ALG6: variants seen among roughly 807,000 people sequenced by gnomAD.
ALG6 encodes dolichyl pyrophosphate Man9GlcNAc2 alpha-1,3-glucosyltransferase.
In ALG6, 46 loss-of-function variants were observed where a neutral mutation model predicts 66.6. The ratio of observed to expected loss-of-function variants is 0.69; its 90% CI spans 0.55 to 0.88. ALG6 has a LOEUF of 0.88. Among genes scored for constraint, ALG6 ranks in the 40% least tolerant of loss-of-function variants. ALG6 has a pLI of 0.00. For synonymous variants in ALG6, 185 were observed against 203.7 expected (o/e 0.91, Z 0.78); for missense variants, 505 against 586.8 (o/e 0.86, Z 1.44).
chr1:63,420,725 G>A (rs1220670295), intron 12 of ALG6, among the ~76,000 whole-genome samples: 3 of 151,942 alleles, frequency 2.0e-5, no homozygotes, highest in Non-Finnish European at 4.4e-5. Flanking sequence ...GCCGGGCATG[G>A]TGGCGGGCAC....
chr1:63,423,085 G>A (rs1355399804), intron 12 of ALG6, among the ~76,000 whole-genome samples: 4 of 149,586 alleles, frequency 2.7e-5, no homozygotes, highest in African/African-American at 4.9e-5. Context: ...GTGCAGTGGC[G>A]TGATCTTTGC....
chr1:63,371,076 G>C lies in ALG6; in HGVS notation c.82+17G>C, dbSNP rs1282350471. On this transcript the variant is annotated intron_variant, in intron 2 of 14. Coordinates refer to ENST00000263440, the MANE Select transcript of ALG6 (RefSeq NM_013339.4). ...CTTATTCAGGTAATACATTTTTACT[G>C]GTTAAAAAAAAAACGAAATTTTCCT... The C allele has an allele frequency of 6.4e-7, 1 of 1,568,726 alleles. No homozygotes were observed. Among genetic ancestry groups the C allele is most frequent in the Non-Finnish European group, 8.8e-7 (1 of 1,139,938 alleles).
intron 8 of ALG6, 88 bp from the exon 9 acceptor site, chr1:63,411,838 C>T (rs1570070334): frequency 1.3e-6 from 2 of 1,534,310 alleles, no homozygotes; most frequent in Middle Eastern, 1.8e-4. Context: ...TATACATGTG[C>T]ATGTATTATG....
chr1:63,417,100 GTGAA>G, intron 11 of ALG6, among the ~76,000 whole-genome samples: 1 of 152,184 alleles, frequency 6.6e-6, no homozygotes, highest in South Asian at 2.1e-4. Flanking sequence ...GTTTGATTCT[GTGAA>G]TGAACTCTGA....
intron 2 of ALG6, among the ~76,000 whole-genome samples, chr1:63,378,667 A>G (rs138777343): frequency 1.1e-4 from 16 of 152,252 alleles, no homozygotes; most frequent in Admixed American, 4.6e-4. Flanking sequence ...GTTCTCAGTT[A>G]TCTCTTCAAA....
Position 63,402,237 on chromosome 1 carries a change from C to CT in ALG6, c.168-10dup. 4 of 1,485,114 alleles carry CT rather than the reference C, an allele frequency of 2.7e-6. No individual in the cohort carries two copies. The highest frequency in any genetic ancestry group is 3.8e-6 in the Non-Finnish European group (4 of 1,063,556). 92.0% of individuals were successfully genotyped at this position (1,485,114 alleles called of 1,614,324 possible). A position where few individuals can be genotyped will look rare whatever the true frequency, so the allele number is the denominator to read the frequency against. Reference sequence around the variant, plus strand: ...TTGATTAACGGAATGGTGCTTTCTTCTTTTTTTCTTTTTCAGGTATTTTAA... The same window carrying CT: ...TTGATTAACGGAATGGTGCTTTCTTCTTTTTTTTCTTTTTCAGGTATTTTAA... On this transcript the variant is annotated splice_polypyrimidine_tract_variant and intron_variant, in intron 3 of 14. Transcript: ENST00000263440.
At chr1:63,395,538 T>C (rs1018920590) in intron 2 of ALG6, among the ~76,000 whole-genome samples, 6 of 151,904 alleles carry the variant, frequency 3.9e-5, no homozygotes, top group African/African-American at 1.2e-4. Flanking sequence ...CTAATAAAAA[T>C]ACAAAAATTA....
At chr1:63,401,049 A>G (rs1050624846) in intron 3 of ALG6, among the ~76,000 whole-genome samples, 2 of 152,098 alleles carry the variant, frequency 1.3e-5, no homozygotes, top group African/African-American at 4.8e-5. Context: ...AGATTCTTAG[A>G]CTCGCTGCTT....
At chr1:63,380,400 G>A (rs1648265922) in intron 2 of ALG6, among the ~76,000 whole-genome samples, 1 of 152,104 alleles carries the variant, frequency 6.6e-6, no homozygotes, top group South Asian at 2.1e-4. Flanking sequence ...GAAGGGCTGA[G>A]GAAAGGTCCA....
intron 4 of ALG6, among the ~76,000 whole-genome samples, chr1:63,402,999 G>A (rs574218455): frequency 2.7e-4 from 40 of 149,360 alleles, no homozygotes; most frequent in Admixed American, 1.3e-4. Flanking sequence ...GGAGGCTGAG[G>A]CAGGAGAATC....
chr1:63,402,730 G>A (rs943463481), intron 4 of ALG6, among the ~76,000 whole-genome samples: 3 of 150,106 alleles, frequency 2.0e-5, no homozygotes, highest in Non-Finnish European at 4.4e-5. Flanking sequence ...GCCTCCCAAA[G>A]TGCTGGGATT....
intron 14 of ALG6, 134 bp from the exon 15 acceptor site, chr1:63,436,689 T>G: frequency 2.4e-6 from 2 of 843,824 alleles, no homozygotes; most frequent in Non-Finnish European, 3.9e-6. Context: ...AAGTCAAAGT[T>G]GAGATACACC....
At chr1:63,430,757 A>G (rs1385389701) in intron 14 of ALG6, among the ~76,000 whole-genome samples, 1 of 152,150 alleles carries the variant, frequency 6.6e-6, no homozygotes, top group Admixed American at 6.6e-5. Context: ...TTGAGTTGTA[A>G]GAGTTTTTTT....
chr1:63,384,342 T>G (rs1648434000), intron 2 of ALG6, among the ~76,000 whole-genome samples: 1 of 152,218 alleles, frequency 6.6e-6, no homozygotes, highest in East Asian at 1.9e-4. Flanking sequence ...TTGGGTTATT[T>G]AATTTTTTTT....
intron 11 of ALG6, among the ~76,000 whole-genome samples, chr1:63,417,691 A>G (rs968486375): frequency 6.6e-6 from 1 of 152,176 alleles, no homozygotes; most frequent in African/African-American, 2.4e-5. Flanking sequence ...CTCATATGCC[A>G]GGTCCTCCTC....
chr1:63,400,869 G>A (rs529885176), intron 3 of ALG6, among the ~76,000 whole-genome samples: 1 of 152,088 alleles, frequency 6.6e-6, no homozygotes, highest in Non-Finnish European at 1.5e-5. Context: ...ACAGCTCTGA[G>A]GCTGATAAAA....
intron 2 of ALG6, 105 bp downstream of exon 2, chr1:63,371,164 A>C: frequency 2.6e-6 from 2 of 768,602 alleles, no homozygotes; most frequent in South Asian, 3.0e-5. Context: ...GAAGAATTTC[A>C]GGCCTTTTTG....
chr1:63,422,263 A>ATATAAATATATATATTTATATAGT (rs1644584937), intron 12 of ALG6, among the ~76,000 whole-genome samples: 1 of 64,450 alleles, frequency 1.6e-5, no homozygotes, highest in Non-Finnish European at 2.6e-5. Context: ...ATTTATATAG[A>ATATAAATATATATATTTATATAGT]TATAAATATA....
chr1:63,376,317 G>A (rs1648125248), intron 2 of ALG6, among the ~76,000 whole-genome samples: 1 of 152,068 alleles, frequency 6.6e-6, no homozygotes, highest in Non-Finnish European at 1.5e-5. Flanking sequence ...TATCTTATGG[G>A]ACCATCATTG....
Sources: allele counts gnomAD v4.1 joint callset (sites outside exome capture counted in the v4.1 genomes callset), GRCh38; gene constraint gnomAD v4.1.1; transcripts MANE v1.5; gene names NCBI Gene and HGNC (gene_info 2026-07-23, HGNC 2026-07-21).